The following TFDP2 variants were observed in gnomAD, a reference collection of about 807,000 sequenced individuals.
TFDP2 encodes the protein transcription factor Dp-2, also known as transcription factor Dp-2 (E2F dimerization partner 2).
TFDP2 carries 17 observed loss-of-function variants against 59.3 expected under a neutral mutation model. The ratio of observed to expected loss-of-function variants is 0.29; its 90% CI spans 0.20 to 0.43. The LOEUF (loss-of-function observed/expected upper bound fraction) is 0.43, where lower values mean the gene tolerates loss of function less well. TFDP2 is among the 20% of genes least tolerant of loss of function. TFDP2 has a pLI of 1.00. For synonymous variants in TFDP2, 180 were observed against 194.7 expected, an observed-to-expected ratio of 0.92 and a Z score of 0.63; for missense variants, 391 against 528.8, an observed-to-expected ratio of 0.74 and a Z score of 2.56.
intron 3 of TFDP2, chr3:142,028,620 A>T: frequency 4.1e-6 from 4 of 985,372 alleles, no homozygotes; most frequent in Non-Finnish European, 4.8e-6. Context: ...TACCAACAAC[A>T]TTCTACAGTC....
chr3:142,089,748 G>A lies in TFDP2; in HGVS notation c.82+3313C>T, dbSNP rs73233856. 6.0e-3 allele frequency among the ~76,000 whole-genome samples: 907 copies of A among 152,114 alleles called. 3 individuals carry two copies. Among genetic ancestry groups the A allele is most frequent in the Admixed American group, 9.8e-3 (149 of 15,274 alleles). The stretch of plus-strand genomic sequence containing the variant: ...ACTCATAAGCACAATGAAACAGTAT[G>A]AAGCTCTAAGAAAGGTATTTATAAA... On this transcript the variant is annotated intron_variant, in intron 3 of 12. Transcript: ENST00000489671.
chr3:142,132,204 T>C (rs2062542099), intron 1 of TFDP2, among the ~76,000 whole-genome samples: 1 of 150,174 alleles, frequency 6.7e-6, no homozygotes, highest in Non-Finnish European at 1.5e-5. Flanking sequence ...GAAAATGTTA[T>C]GCCAAGCCAC....
At chr3:142,140,694 G>C (rs1248962584) in intron 1 of TFDP2, among the ~76,000 whole-genome samples, 3 of 152,210 alleles carry the variant, frequency 2.0e-5, no homozygotes, top group Non-Finnish European at 4.4e-5. Context: ...CAGCAGCAGA[G>C]GCTGCAGAAC....
intron 3 of TFDP2, among the ~76,000 whole-genome samples, chr3:142,068,187 C>CGACT (rs1336581830): frequency 1.3e-5 from 2 of 151,942 alleles, no homozygotes; most frequent in Non-Finnish European, 2.9e-5. Flanking sequence ...AAAAGAGAGT[C>CGACT]TTTTCAATAA....
At chr3:142,089,586 A>G (rs535201131) in intron 3 of TFDP2, among the ~76,000 whole-genome samples, 1 of 152,304 alleles carries the variant, frequency 6.6e-6, no homozygotes, top group South Asian at 2.1e-4. Context: ...ACAAAAACTT[A>G]GCTGATTAAA....
At chr3:142,059,010 C>T (rs2059831722) in intron 3 of TFDP2, among the ~76,000 whole-genome samples, 1 of 152,192 alleles carries the variant, frequency 6.6e-6, no homozygotes, top group African/African-American at 2.4e-5. Context: ...GTACAAAAGA[C>T]ACTCATTACT....
chr3:142,118,630 A>G (rs896413289), intron 1 of TFDP2, among the ~76,000 whole-genome samples: 1 of 152,202 alleles, frequency 6.6e-6, no homozygotes, highest in Non-Finnish European at 1.5e-5. Flanking sequence ...ATTTTGCTTT[A>G]CTTTGGCATT....
At chr3:142,126,945 CAAAAA>C (rs780512383) in intron 1 of TFDP2, among the ~76,000 whole-genome samples, 2 of 55,456 alleles carry the variant, frequency 3.6e-5, no homozygotes, top group African/African-American at 1.3e-4. Context: ...GACCTTGTCT[CAAAAA>C]AAAAAAAAAA....
At chr3:142,097,111 AT>A (rs2061186546) in intron 2 of TFDP2, among the ~76,000 whole-genome samples, 1 of 152,186 alleles carries the variant, frequency 6.6e-6, no homozygotes, top group Admixed American at 6.5e-5. Context: ...ATTGCACACC[AT>A]TTTTTGCTGA....
intron 6 of TFDP2, among the ~76,000 whole-genome samples, chr3:141,989,962 T>C (rs35566385): frequency 0.39 from 58,613 of 151,362 alleles, 12,668 homozygotes; most frequent in African/African-American, 0.61. Context: ...GGCACGAACT[T>C]GGCTCACTGC....
At chr3:142,088,119 T>C (rs1576948958) in intron 3 of TFDP2, among the ~76,000 whole-genome samples, 1 of 152,330 alleles carries the variant, frequency 6.6e-6, no homozygotes, top group East Asian at 1.9e-4. Flanking sequence ...TGTTTATCCT[T>C]AGCACCTAGA....
intron 4 of TFDP2, among the ~76,000 whole-genome samples, chr3:141,997,460 A>G (rs1943368684): frequency 6.6e-6 from 1 of 152,012 alleles, no homozygotes; most frequent in Non-Finnish European, 1.5e-5. Flanking sequence ...AAGCATTCCA[A>G]TTTACCCTTG....
intron 3 of TFDP2, among the ~76,000 whole-genome samples, chr3:142,064,153 T>C (rs554753778): frequency 2.0e-5 from 3 of 152,294 alleles, no homozygotes; most frequent in African/African-American, 7.2e-5. Flanking sequence ...GGTTTTACCA[T>C]GTTGGCCAGG....
intron 2 of TFDP2, among the ~76,000 whole-genome samples, chr3:142,093,392 A>G (rs1406662199): frequency 2.0e-5 from 3 of 152,002 alleles, no homozygotes; most frequent in Non-Finnish European, 4.4e-5. Context: ...GAGGTGTTGC[A>G]GTGAGCTGAG....
chr3:142,061,552 G>T (rs925641066), intron 3 of TFDP2, among the ~76,000 whole-genome samples: 1 of 151,802 alleles, frequency 6.6e-6, no homozygotes, highest in African/African-American at 2.4e-5. Flanking sequence ...ACCTGTTGAG[G>T]GCCCAAAGAG....
intron 6 of TFDP2, among the ~76,000 whole-genome samples, chr3:141,983,753 G>A (rs918620578): frequency 2.6e-5 from 4 of 151,796 alleles, no homozygotes; most frequent in African/African-American, 9.7e-5. Flanking sequence ...AAACCATAAT[G>A]AGATGCCACT....
intron 3 of TFDP2, among the ~76,000 whole-genome samples, chr3:142,080,957 G>A (rs2060620056): frequency 1.3e-5 from 2 of 152,124 alleles, no homozygotes; most frequent in Non-Finnish European, 2.9e-5. Context: ...GGAAACACTA[G>A]ACTTAATTTT....
At chr3:141,968,257 A>G (rs1938452908) in intron 9 of TFDP2, among the ~76,000 whole-genome samples, 1 of 137,240 alleles carries the variant, frequency 7.3e-6, no homozygotes, top group Admixed American at 8.1e-5. Context: ...TATATTATAT[A>G]TTATATATAA....
At chr3:141,994,348 T>C (rs758469446) in intron 5 of TFDP2, 2 of 152,172 alleles carry the variant, frequency 1.3e-5, no homozygotes, top group East Asian at 1.9e-4. Flanking sequence ...TATTCCACCA[T>C]GTAAATAACT....
Sources: gnomAD v4.1 joint callset for allele counts (sites outside exome capture counted in the v4.1 genomes callset) on GRCh38, gnomAD v4.1.1 for gene constraint, MANE v1.5 for transcripts, NCBI Gene and HGNC (gene_info 2026-07-23, HGNC 2026-07-21) for gene names.